Variants in ADAMTS2 observed in about 807,000 individuals in gnomAD.
The protein encoded by ADAMTS2 is ADAM metallopeptidase with thrombospondin type 1 motif 2, also known as A disintegrin and metalloproteinase with thrombospondin motifs 2.
A neutral mutation model predicts 123.0 loss-of-function variants in ADAMTS2; 50 were observed. The observed-to-expected ratio is 0.41, with a 90% confidence interval of 0.32 to 0.51. The LOEUF is 0.51. Among genes scored for constraint, ADAMTS2 ranks in the 20% least tolerant of loss-of-function variants. The pLI is 0.35. For missense variants in ADAMTS2, 1,494 were observed against 1,705.2 expected (o/e 0.88, Z 2.18); for synonymous variants, 678 against 695.4 (o/e 0.98, Z 0.39).
At position 179,312,023 on chromosome 5, in the gene ADAMTS2, C is replaced by T. The variant is rs913962345; in HGVS notation, c.534+31744G>A. ...CATGGGAACCCTGTGCCGCTAAGGG[C>T]ATACTCTAGACCCTCTGCCCCAGGC... is the stretch of plus-strand genomic sequence containing the variant. On this transcript the variant is annotated intron_variant, in intron 2 of 21. Coordinates refer to ENST00000251582, the MANE Select transcript of ADAMTS2 (RefSeq NM_014244.5). This position sits in a 1 kb window ranked among gnomAD's most constrained non-coding sequence, Gnocchi z 4.2. Among the ~76,000 whole-genome samples the T allele has an allele frequency of 6.6e-6, 1 of 152,230 alleles. No individual in the cohort carries two copies. The highest frequency in any genetic ancestry group is 1.5e-5 in the Non-Finnish European group (1 of 68,044).
At chr5:179,150,069 G>GCAAT in intron 10 of ADAMTS2, among the ~76,000 whole-genome samples, 1 of 152,280 alleles carries the variant, frequency 6.6e-6, no homozygotes, top group East Asian at 1.9e-4. Flanking sequence ...AAAGCAGGGG[G>GCAAT]CAATCAGCTG....
rs61635823 is a variant in ADAMTS2 at position 179,337,216 on chromosome 5, G to A, written c.534+6551C>T. ...AGGGGATGGGGGTGTCTAACGTGGC[G>A]CCAAGATTGAGGGGGCTGGGGTCCT... On this transcript the variant is annotated intron_variant, in intron 2 of 21. Transcript: ENST00000251582. Among the ~76,000 whole-genome samples the A allele has an allele frequency of 9.7e-3, 1,479 of 152,082 alleles. 25 individuals carry two copies. The highest frequency in any genetic ancestry group is 0.034 in the African/African-American group (1,408 of 41,480).
intron 3 of ADAMTS2, among the ~76,000 whole-genome samples, chr5:179,250,076 T>C (rs1051506464): frequency 6.6e-6 from 1 of 152,264 alleles, no homozygotes; most frequent in East Asian, 1.9e-4. Flanking sequence ...ATTCATAAAA[T>C]GGAGGAAAAT....
intron 2 of ADAMTS2, among the ~76,000 whole-genome samples, chr5:179,287,278 G>A (rs1212570391): frequency 6.6e-6 from 1 of 152,204 alleles, no homozygotes; most frequent in African/African-American, 2.4e-5. Flanking sequence ...GGCCACATGG[G>A]ATGCCCATCT....
At chr5:179,150,163 G>A (rs1414078295) in intron 10 of ADAMTS2, among the ~76,000 whole-genome samples, 2 of 151,214 alleles carry the variant, frequency 1.3e-5, no homozygotes, top group African/African-American at 4.8e-5. Flanking sequence ...GCATGCCTGT[G>A]CAGGGCCTGC....
At chr5:179,261,554 A>G (rs763089207) in intron 3 of ADAMTS2, among the ~76,000 whole-genome samples, 1 of 152,242 alleles carries the variant, frequency 6.6e-6, no homozygotes, top group Non-Finnish European at 1.5e-5. Flanking sequence ...TTGCAGGAAC[A>G]GAACCTGAGG....
At chr5:179,160,032 T>C (rs1561783619) in intron 5 of ADAMTS2, among the ~76,000 whole-genome samples, 1 of 152,212 alleles carries the variant, frequency 6.6e-6, no homozygotes, top group Non-Finnish European at 1.5e-5. Context: ...GGCATGTTCT[T>C]TTCCCCTTTA....
At position 179,115,586 on chromosome 5, in the gene ADAMTS2, T is replaced by C. The variant is rs1167883806; in HGVS notation, c.3179-1262A>G. On this transcript the variant is annotated intron_variant, in intron 21 of 21. Coordinates refer to ENST00000251582, the MANE Select transcript of ADAMTS2 (RefSeq NM_014244.5). This position sits in a 1 kb window ranked among gnomAD's most constrained non-coding sequence, Gnocchi z 4.4. ...ACTCTCCTTAGTTGAACTCATCTACTATTGAAAGGAAGGAAGGAGGGAGAG... is the reference window on the plus strand; with the variant it reads ...ACTCTCCTTAGTTGAACTCATCTACCATTGAAAGGAAGGAAGGAGGGAGAG... 1.3e-5 allele frequency among the ~76,000 whole-genome samples: 2 copies of C among 151,180 alleles called. No homozygotes were observed. Among genetic ancestry groups the C allele is most frequent in the East Asian group, 3.9e-4 (2 of 5,118 alleles).
chr5:179,302,334 GC>G (rs1756549496), intron 2 of ADAMTS2, among the ~76,000 whole-genome samples: 1 of 148,602 alleles, frequency 6.7e-6, no homozygotes, highest in African/African-American at 2.5e-5. Flanking sequence ...GTGGTGGGGG[GC>G]GCCTGTAGTC....
In ADAMTS2 at chr5:179,312,976, G is replaced by A. The variant is rs1007423532; in HGVS notation, c.534+30791C>T. Among the ~76,000 whole-genome samples the A allele has an allele frequency of 2.0e-5, 3 of 152,232 alleles. No homozygotes were observed. The highest frequency in any genetic ancestry group is 7.2e-5 in the African/African-American group (3 of 41,450). ...GGACTAAAAGTGGTGAGAGAATTAT[G>A]GTAGAAGAATGGGGCTGGGAGGGGC... On this transcript the variant is annotated intron_variant, in intron 2 of 21. Coordinates refer to ENST00000251582, the MANE Select transcript of ADAMTS2 (RefSeq NM_014244.5). The surrounding 1 kb of genome is among the most constrained non-coding windows in gnomAD (Gnocchi z 4.2).
At position 179,132,886 on chromosome 5, in the gene ADAMTS2, G is replaced by A. The variant is rs560354978; in HGVS notation, c.2100C>T (p.Asp700=). The change falls in exon 14 of 22, where the codon GAC becomes GAT. Residue 700 remains aspartate (D), a synonymous_variant. Transcript: ENST00000251582. This position sits in a 1 kb window ranked among gnomAD's most constrained non-coding sequence, Gnocchi z 6.1. The stretch of plus-strand genomic sequence containing the variant: ...CCTGCTTGCTGGAGCCGATCACACC[G>A]TCACAGCCCACCTTCTGTTGGGGGA... ...VRGDCRKVGC[D]GVIGSSKQED... is the part of the protein sequence containing the mutation. The A allele has an allele frequency of 1.3e-4, 204 of 1,613,756 alleles. 1 individual carries two copies. In the South Asian group the frequency reaches 1.7e-3, roughly 14 times the overall value.
Position 179,189,568 on chromosome 5 carries a change from A to G in ADAMTS2, c.892-8413T>C, listed in dbSNP as rs541865482. ...GAGGCAGGGTTTCACAATGTTAGCC[A>G]GGATGGTCTTGATCTCCTGACTTCA... On this transcript the variant is annotated intron_variant, in intron 4 of 21. Coordinates refer to ENST00000251582, the MANE Select transcript of ADAMTS2 (RefSeq NM_014244.5). The surrounding 1 kb of genome is among the most constrained non-coding windows in gnomAD (Gnocchi z 4.2). Among the ~76,000 whole-genome samples, 1,279 of 120,978 alleles carry G rather than the reference A, an allele frequency of 0.011. 21 individuals carry two copies. Among genetic ancestry groups the G allele is most frequent in the African/African-American group, 0.038 (1,201 of 31,206 alleles). 79.4% of individuals were successfully genotyped at this position (120,978 alleles called of 152,430 possible).
chr5:179,153,945 C>T (rs1763415973), intron 8 of ADAMTS2, 104 bp downstream of exon 8: 3 of 1,465,934 alleles, frequency 2.0e-6, no homozygotes, highest in East Asian at 2.5e-5. Flanking sequence ...CTTAGAGGAC[C>T]TGAGGTCGGA....
chr5:179,119,821 C>G (rs2411910), intron 21 of ADAMTS2, among the ~76,000 whole-genome samples: 1 of 152,212 alleles, frequency 6.6e-6, no homozygotes, highest in East Asian at 1.9e-4. Flanking sequence ...TCCACAGGCT[C>G]TGCTCCAAAG....
In ADAMTS2 at chr5:179,303,711, C is replaced by CT. The variant is rs1416590051; in HGVS notation, c.535-30648dup. 1.3e-5 allele frequency among the ~76,000 whole-genome samples: 2 copies of CT among 152,212 alleles called. No individual in the cohort carries two copies. Among genetic ancestry groups the CT allele is most frequent in the Admixed American group, 1.3e-4 (2 of 15,292 alleles). On this transcript the variant is annotated intron_variant, in intron 2 of 21. Coordinates refer to ENST00000251582, the MANE Select transcript of ADAMTS2 (RefSeq NM_014244.5). The surrounding 1 kb of genome is among the most constrained non-coding windows in gnomAD (Gnocchi z 4.7). ...TGGCAGCCCACAGGCACCTAAAACTCTAAGAGGGGAGCCTGGCTGTGTAGC... is the reference window on the plus strand; with the variant it reads ...TGGCAGCCCACAGGCACCTAAAACTCTTAAGAGGGGAGCCTGGCTGTGTAGC...
chr5:179,315,345 G>A (rs151014032), intron 2 of ADAMTS2, among the ~76,000 whole-genome samples: 347 of 49,258 alleles, frequency 7.0e-3, no homozygotes, highest in African/African-American at 0.026. Flanking sequence ...AGGTCATGTC[G>A]GGATCCCAGG....
intron 4 of ADAMTS2, among the ~76,000 whole-genome samples, chr5:179,193,534 C>G (rs1764353162): frequency 6.6e-6 from 1 of 152,172 alleles, no homozygotes. Context: ...TCAGCATGGA[C>G]GATGGAGACA....
In ADAMTS2 at chr5:179,113,669, T is replaced by A. The variant is rs1309726043; in HGVS notation, c.*198A>T. The A allele has an allele frequency of 7.9e-6, 5 of 634,450 alleles. No homozygotes were observed. Among genetic ancestry groups the A allele is most frequent in the Non-Finnish European group, 1.4e-5 (5 of 362,976 alleles). 39.3% of individuals were successfully genotyped at this position (634,450 alleles called of 1,614,324 possible). On this transcript the variant is annotated 3_prime_UTR_variant, in exon 22 of 22. Transcript: ENST00000251582. ...CGCCACCACAGTATTTGGTCGCTCC[T>A]GGGCTGGGAAGCACACGTGCTAACC... is the stretch of plus-strand genomic sequence containing the variant.
chr5:179,134,765 TCCCGGCTCCATCCC>T (rs1394265898), intron 13 of ADAMTS2, among the ~76,000 whole-genome samples: 1 of 93,362 alleles, frequency 1.1e-5, no homozygotes, highest in East Asian at 2.9e-4. Context: ...CAGCTCCAGC[TCCCGGCTCCATCCC>T]CCAGCTCCCG....
Sources: allele counts gnomAD v4.1 joint callset (sites outside exome capture counted in the v4.1 genomes callset), GRCh38; gene constraint gnomAD v4.1.1; non-coding constraint Gnocchi (gnomAD v3.1); transcripts MANE v1.5; gene names NCBI Gene and HGNC (gene_info 2026-07-23, HGNC 2026-07-21).